Variants in NALCN observed in about 807,000 individuals in gnomAD.
The protein encoded by NALCN is sodium leak channel NALCN.
In NALCN, 111 loss-of-function variants were observed where a neutral mutation model predicts 225.3. The observed-to-expected ratio is 0.49, with a 90% CI of 0.42 to 0.58. NALCN has a LOEUF of 0.58. NALCN is among the 20% of genes least tolerant of loss of function. The pLI, the probability that NALCN is intolerant of heterozygous loss-of-function variation, is 0.00. For missense variants in NALCN, 1,378 were observed against 2,202.4 expected, an observed-to-expected ratio of 0.63 and a Z score of 7.49; for synonymous variants, 764 against 769.0, an observed-to-expected ratio of 0.99 and a Z score of 0.11.
chr13:101,102,018 CT>C (rs1484069305), intron 26 of NALCN, among the ~76,000 whole-genome samples: 1 of 152,054 alleles, frequency 6.6e-6, no homozygotes, highest in African/African-American at 2.4e-5. Context: ...TTAAACCCAT[CT>C]TAAAAAAGAA....
chr13:101,325,120 GT>G (rs1400673893), intron 7 of NALCN, among the ~76,000 whole-genome samples: 1 of 152,124 alleles, frequency 6.6e-6, no homozygotes, highest in Non-Finnish European at 1.5e-5. Flanking sequence ...GGGTTGGTCA[GT>G]TTGGAATACT....
chr13:101,319,000 T>A (rs182796403), intron 7 of NALCN, among the ~76,000 whole-genome samples: 2 of 152,262 alleles, frequency 1.3e-5, no homozygotes, highest in Admixed American at 6.5e-5. Flanking sequence ...TGCTGCTGGA[T>A]GTTGTTATGA....
At chr13:101,199,955 C>A (rs1227723248) in intron 13 of NALCN, among the ~76,000 whole-genome samples, 1 of 152,092 alleles carries the variant, frequency 6.6e-6, no homozygotes, top group African/African-American at 2.4e-5. Context: ...TTGCTGGTTT[C>A]TCTTCAATTT....
Position 101,170,188 on chromosome 13 carries a change from C to T in NALCN, c.1839+6112G>A, listed in dbSNP as rs1165818032. Among the ~76,000 whole-genome samples the T allele has an allele frequency of 2.0e-5, 3 of 152,254 alleles. No homozygotes were observed. The East Asian group carries it at 5.8e-4, about 29-fold the overall frequency. Reference sequence around the variant, plus strand: ...GTATTGGCTCATGTAATTATGGAGGCTGATGATAAGTCCCACTATCTGCTC... The same window carrying T: ...GTATTGGCTCATGTAATTATGGAGGTTGATGATAAGTCCCACTATCTGCTC... On this transcript the variant is annotated intron_variant, in intron 15 of 43. Transcript: ENST00000251127.
At chr13:101,399,880 G>A (rs1363671975) in intron 1 of NALCN, among the ~76,000 whole-genome samples, 1 of 152,134 alleles carries the variant, frequency 6.6e-6, no homozygotes, top group African/African-American at 2.4e-5. Context: ...CATTGCTACT[G>A]CCTTCCACAA....
At chr13:101,253,198 A>C (rs2042113581) in intron 11 of NALCN, among the ~76,000 whole-genome samples, 1 of 152,126 alleles carries the variant, frequency 6.6e-6, no homozygotes, top group South Asian at 2.1e-4. Context: ...CCTGTTTCTT[A>C]ACTAATTCTA....
intron 10 of NALCN, among the ~76,000 whole-genome samples, chr13:101,277,102 C>T (rs919792854): frequency 1.3e-5 from 2 of 151,752 alleles, no homozygotes; most frequent in South Asian, 2.1e-4. Flanking sequence ...AATTATTACT[C>T]GTAAAAAACT....
intron 37 of NALCN, among the ~76,000 whole-genome samples, chr13:101,071,484 C>T (rs2032882911): frequency 6.6e-6 from 1 of 152,218 alleles, no homozygotes; most frequent in Non-Finnish European, 1.5e-5. Flanking sequence ...GAGATGGCTT[C>T]TTTCTTTCCT....
chr13:101,380,366 A>G, intron 3 of NALCN, among the ~76,000 whole-genome samples: 1 of 152,204 alleles, frequency 6.6e-6, no homozygotes, highest in East Asian at 1.9e-4. Flanking sequence ...TAGGGTATCT[A>G]TTCTGACATT....
intron 11 of NALCN, among the ~76,000 whole-genome samples, chr13:101,246,423 T>C (rs1241842885): frequency 6.6e-6 from 1 of 152,192 alleles, no homozygotes; most frequent in Non-Finnish European, 1.5e-5. Context: ...GGCAATCCCA[T>C]TCTCTTACAT....
chr13:101,153,806 G>T (rs2037771157), intron 15 of NALCN, among the ~76,000 whole-genome samples: 1 of 152,150 alleles, frequency 6.6e-6, no homozygotes, highest in South Asian at 2.1e-4. Context: ...ATCTAGAAAA[G>T]AAATACCTTT....
intron 13 of NALCN, among the ~76,000 whole-genome samples, chr13:101,201,142 G>T (rs1001858690): frequency 1.3e-5 from 2 of 152,074 alleles, no homozygotes; most frequent in Non-Finnish European, 2.9e-5. Context: ...TATGGAAGGG[G>T]TCTATACTAT....
chr13:101,165,523 G>A (rs1426564057), intron 15 of NALCN, among the ~76,000 whole-genome samples: 1 of 152,216 alleles, frequency 6.6e-6, no homozygotes, highest in Non-Finnish European at 1.5e-5. Flanking sequence ...AGGCCGAAAT[G>A]TAATGGCATG....
rs558555500 is a variant in NALCN at position 101,313,164 on chromosome 13, C to T, written c.800-20798G>A. Among the ~76,000 whole-genome samples, 566 of 152,132 alleles carry T rather than the reference C, an allele frequency of 3.7e-3. 4 individuals carry two copies. Among genetic ancestry groups the T allele is most frequent in the African/African-American group, 0.013 (530 of 41,480 alleles). On this transcript the variant is annotated intron_variant, in intron 7 of 43. Coordinates refer to ENST00000251127, the MANE Select transcript of NALCN (RefSeq NM_052867.4). The stretch of plus-strand genomic sequence containing the variant: ...CTGAAACTGGATCCCTTCCTTACAC[C>T]TTATACAAAAATTAATTCAAGATGG...
At chr13:101,074,694 GAGAGAGAGAGAGAGAGAGACAGAGAC>G in intron 35 of NALCN, 32 bp from the exon 36 acceptor site, 4 of 422,898 alleles carry the variant, frequency 9.5e-6, no homozygotes, top group Admixed American at 5.9e-5. Context: ...CGGGGAGACA[GAGAGAGAGAGAGAGAGAGACAGAGAC>G]AGAGAGAGAG....
At chr13:101,121,124 T>C (rs1279673777) in intron 18 of NALCN, among the ~76,000 whole-genome samples, 4 of 152,086 alleles carry the variant, frequency 2.6e-5, no homozygotes. Flanking sequence ...TAGTGAGGTG[T>C]TCAATGTTAC....
chr13:101,346,087 C>CTCTCTATATATATATATATATA, intron 6 of NALCN, among the ~76,000 whole-genome samples: 39 of 70,960 alleles, frequency 5.5e-4, no homozygotes, highest in Non-Finnish European at 6.7e-4. Context: ...CTCTCTCTCT[C>CTCTCTATATATATATATATATA]TATATATATA....
intron 40 of NALCN, among the ~76,000 whole-genome samples, chr13:101,062,548 C>T (rs1032008169): frequency 5.9e-5 from 9 of 152,168 alleles, no homozygotes; most frequent in African/African-American, 2.2e-4. Context: ...CTACTCCCTG[C>T]ATCCCACTTC....
At chr13:101,225,448 G>A (rs959766340) in intron 13 of NALCN, among the ~76,000 whole-genome samples, 1 of 152,174 alleles carries the variant, frequency 6.6e-6, no homozygotes, top group Non-Finnish European at 1.5e-5. Context: ...TTTAATGGCT[G>A]CCTTATGTAT....
Sources: allele counts gnomAD v4.1 joint callset (sites outside exome capture counted in the v4.1 genomes callset), GRCh38; gene constraint gnomAD v4.1.1; transcripts MANE v1.5; gene names NCBI Gene and HGNC (gene_info 2026-07-23, HGNC 2026-07-21).